Variants in GLIS3 observed in about 807,000 individuals in gnomAD.
GLIS3 encodes the protein GLIS family zinc finger 3.
Under a neutral mutation model 78.6 loss-of-function variants are expected in GLIS3, and 53 were observed. That is an observed-to-expected ratio of 0.67 (90% CI 0.54 to 0.85). The LOEUF is 0.85. Ranked by LOEUF, GLIS3 falls within the 40% of genes least tolerant of loss-of-function variation. The probability of loss-of-function intolerance (pLI) is 0.00; values close to 1 mark genes in which losing one functional copy is unlikely to be tolerated. For synonymous variants in GLIS3, 684 were observed against 509.9 expected (o/e 1.34, Z -4.60); for missense variants, 1,703 against 1,231.1 (o/e 1.38, Z -5.74).
intron 9 of GLIS3, among the ~76,000 whole-genome samples, chr9:3,843,772 A>G (rs763694791): frequency 1.3e-5 from 2 of 152,234 alleles, no homozygotes; most frequent in Non-Finnish European, 2.9e-5. Flanking sequence ...TATTTGGCCA[A>G]TTCAGATTCC....
intron 2 of GLIS3, among the ~76,000 whole-genome samples, chr9:4,334,821 T>A (rs1441264152): frequency 6.6e-6 from 1 of 151,962 alleles, no homozygotes; most frequent in Non-Finnish European, 1.5e-5. Flanking sequence ...TTTAAAAGCA[T>A]GCCCAGCCAT....
At chr9:4,059,475 C>A (rs548037222) in intron 4 of GLIS3, among the ~76,000 whole-genome samples, 1 of 152,158 alleles carries the variant, frequency 6.6e-6, no homozygotes, top group Non-Finnish European at 1.5e-5. Flanking sequence ...TGTAACAGGC[C>A]ATTGCCTTGC....
chr9:3,958,043 T>G (rs1400319660), intron 4 of GLIS3, among the ~76,000 whole-genome samples: 1 of 152,226 alleles, frequency 6.6e-6, no homozygotes, highest in African/African-American at 2.4e-5. Context: ...TGGAAAGCTG[T>G]GGCTCCTTCG....
At chr9:3,841,990 A>G (rs1340730751) in intron 9 of GLIS3, among the ~76,000 whole-genome samples, 1 of 152,216 alleles carries the variant, frequency 6.6e-6, no homozygotes, top group Admixed American at 6.5e-5. Flanking sequence ...CAAGGGAAGC[A>G]TGGTAAAGAA....
chr9:4,399,642 T>G, the GLIS3 span, among the ~76,000 whole-genome samples: 5 of 152,348 alleles, frequency 3.3e-5, no homozygotes, highest in African/African-American at 1.2e-4. Context: ...TAAATCTATA[T>G]ATCAAAGAGT....
At chr9:3,958,581 T>G (rs1324114080) in intron 4 of GLIS3, among the ~76,000 whole-genome samples, 1 of 152,228 alleles carries the variant, frequency 6.6e-6, no homozygotes, top group Admixed American at 6.5e-5. Context: ...CTTCATTTAA[T>G]AAACACGTGT....
At chr9:4,477,661 G>A in the GLIS3 span, among the ~76,000 whole-genome samples, 1,272 of 152,096 alleles carry the variant, frequency 8.4e-3, 19 homozygotes, top group African/African-American at 0.028. Flanking sequence ...CGATCCTCCC[G>A]CCTGGGCCTC....
intron 2 of GLIS3, among the ~76,000 whole-genome samples, chr9:4,161,675 C>CTTT (rs55904647): frequency 0.038 from 4,291 of 114,098 alleles, 470 homozygotes; most frequent in African/African-American, 0.13. Context: ...TGCTAGAAGT[C>CTTT]TTTTTTTTTT....
chr9:4,297,690 G>C (rs1816670180), intron 1 of GLIS3, among the ~76,000 whole-genome samples: 1 of 152,140 alleles, frequency 6.6e-6, no homozygotes, highest in Non-Finnish European at 1.5e-5. Context: ...CCCTTCCCCA[G>C]GTTTACATGC....
intron 2 of GLIS3, among the ~76,000 whole-genome samples, chr9:4,134,668 A>G (rs938465210): frequency 3.3e-5 from 5 of 152,230 alleles, no homozygotes; most frequent in African/African-American, 1.2e-4. Context: ...TTAGTAATGC[A>G]AATTGAGCCA....
At chr9:4,380,458 A>G in the GLIS3 span, among the ~76,000 whole-genome samples, 2 of 152,236 alleles carry the variant, frequency 1.3e-5, no homozygotes, top group African/African-American at 4.8e-5. Context: ...TATTTTCAAA[A>G]GCACCAAAGA....
chr9:3,831,913 G>T (rs1818066689), intron 9 of GLIS3, among the ~76,000 whole-genome samples: 1 of 151,502 alleles, frequency 6.6e-6, no homozygotes, highest in East Asian at 1.9e-4. Flanking sequence ...CTATGTTACA[G>T]AATAAAGATG....
At chr9:3,893,263 A>G (rs1232420976) in intron 7 of GLIS3, among the ~76,000 whole-genome samples, 2 of 152,202 alleles carry the variant, frequency 1.3e-5, no homozygotes, top group Admixed American at 6.5e-5. Context: ...AAACTTGCAC[A>G]TATTGTAAAA....
the GLIS3 span, among the ~76,000 whole-genome samples, chr9:4,417,143 C>T: frequency 2.6e-4 from 40 of 152,112 alleles, no homozygotes; most frequent in African/African-American, 7.5e-4. Context: ...AACAAATAGT[C>T]GATGACCAAT....
chr9:3,958,918 A>G (rs550382785), intron 4 of GLIS3, among the ~76,000 whole-genome samples: 1 of 152,304 alleles, frequency 6.6e-6, no homozygotes, highest in East Asian at 1.9e-4. Flanking sequence ...AATAGCAAGA[A>G]CTTCTTGCTG....
chr9:4,315,985 G>A (rs1212037121), intron 2 of GLIS3, among the ~76,000 whole-genome samples: 1 of 152,238 alleles, frequency 6.6e-6, no homozygotes, highest in East Asian at 1.9e-4. Flanking sequence ...AAGGAAGCAG[G>A]ATATTACATA....
intron 2 of GLIS3, among the ~76,000 whole-genome samples, chr9:4,197,492 G>A (rs775803409): frequency 6.6e-6 from 1 of 152,078 alleles, no homozygotes; most frequent in Non-Finnish European, 1.5e-5. Flanking sequence ...ACCTTGCAGA[G>A]AACTTAAGGC....
the GLIS3 span, among the ~76,000 whole-genome samples, chr9:4,391,850 C>G: frequency 6.6e-6 from 1 of 152,090 alleles, no homozygotes; most frequent in East Asian, 1.9e-4. Context: ...GGCGATTCCT[C>G]AAAGACCTAG....
At chr9:4,274,733 C>A (rs535681112) in intron 2 of GLIS3, among the ~76,000 whole-genome samples, 1 of 152,172 alleles carries the variant, frequency 6.6e-6, no homozygotes, top group Non-Finnish European at 1.5e-5. Context: ...GAGTGCAGGA[C>A]CCTGTGCAGT....
Sources: allele counts gnomAD v4.1 joint callset (sites outside exome capture counted in the v4.1 genomes callset), GRCh38; gene constraint gnomAD v4.1.1; transcripts MANE v1.5; gene names NCBI Gene and HGNC (gene_info 2026-07-23, HGNC 2026-07-21).